ELOVL2: variants seen among roughly 807,000 people sequenced by gnomAD.
ELOVL2 encodes the protein very long chain fatty acid elongase 2.
ELOVL2 carries 38 observed loss-of-function variants against 37.7 expected under a neutral mutation model. The observed-to-expected ratio is 1.01, with a 90% CI of 0.78 to 1.32. ELOVL2 has a LOEUF of 1.32. Ranked by LOEUF, ELOVL2 falls within the 40% of genes most tolerant of loss-of-function variation. ELOVL2 has a pLI of 0.00. For synonymous variants in ELOVL2, 115 were observed against 122.3 expected, an observed-to-expected ratio of 0.94 and a Z score of 0.40; for missense variants, 352 against 363.6, an observed-to-expected ratio of 0.97 and a Z score of 0.26.
intron 1 of ELOVL2, among the ~76,000 whole-genome samples, chr6:11,024,370 T>C (rs1782810346): frequency 1.3e-5 from 2 of 152,262 alleles, no homozygotes; most frequent in African/African-American, 2.4e-5. Context: ...CTTTTTCTTA[T>C]TGATAAATCA....
At chr6:11,006,022 G>C (rs1345306434) in intron 2 of ELOVL2, among the ~76,000 whole-genome samples, 2 of 152,204 alleles carry the variant, frequency 1.3e-5, no homozygotes, top group Non-Finnish European at 2.9e-5. Flanking sequence ...CCTTGCAGCT[G>C]TCCTCCCATG....
chr6:11,023,097 T>C (rs1782789670), intron 1 of ELOVL2, among the ~76,000 whole-genome samples: 1 of 152,244 alleles, frequency 6.6e-6, no homozygotes, highest in Admixed American at 6.5e-5. Context: ...GTTCAAGATA[T>C]TTGTAATGAT....
chr6:11,016,388 G>A (rs1389238645), intron 1 of ELOVL2, among the ~76,000 whole-genome samples: 1 of 152,158 alleles, frequency 6.6e-6, no homozygotes, highest in Non-Finnish European at 1.5e-5. Context: ...AAACCATTAA[G>A]ATCACAAAAC....
At chr6:11,031,410 G>A (rs548785947) in intron 1 of ELOVL2, among the ~76,000 whole-genome samples, 1 of 152,226 alleles carries the variant, frequency 6.6e-6, no homozygotes, top group Non-Finnish European at 1.5e-5. Context: ...CCAAGTTCAT[G>A]AGTCTGACAT....
At chr6:10,994,644 C>T (rs540835891) in intron 5 of ELOVL2, among the ~76,000 whole-genome samples, 4 of 152,280 alleles carry the variant, frequency 2.6e-5, no homozygotes, top group South Asian at 2.1e-4. Flanking sequence ...TGCCTCGCCT[C>T]GATCTGTTTC....
chr6:11,035,113 T>G (rs1782986738), intron 1 of ELOVL2, among the ~76,000 whole-genome samples: 1 of 152,236 alleles, frequency 6.6e-6, no homozygotes, highest in Non-Finnish European at 1.5e-5. Flanking sequence ...CAGAGTATAG[T>G]GTTCCATAAA....
chr6:11,028,320 C>T (rs1184712911), intron 1 of ELOVL2, among the ~76,000 whole-genome samples: 1 of 152,124 alleles, frequency 6.6e-6, no homozygotes, highest in Non-Finnish European at 1.5e-5. Flanking sequence ...GAAGGTAAGC[C>T]ATTGCTTGAC....
In ELOVL2 at chr6:10,992,810, C is replaced by A. The variant is rs796864426; in HGVS notation, c.505+2197G>T. Among the ~76,000 whole-genome samples the A allele has an allele frequency of 2.7e-3, 355 of 132,652 alleles. 1 individual carries two copies. The highest frequency in any genetic ancestry group is 9.1e-3 in the African/African-American group (329 of 36,294). 87.0% of individuals were successfully genotyped at this position (132,652 alleles called of 152,430 possible). On this transcript the variant is annotated intron_variant, in intron 5 of 7. Transcript: ENST00000354666. The stretch of plus-strand genomic sequence containing the variant: ...TCAAAAAAAACAAAACAAAAAAAAA[C>A]AAAAAAAAACAGGATTAAAAAATAT...
chr6:11,010,823 GA>G lies in ELOVL2; in HGVS notation c.4-15del. The G allele has an allele frequency of 1.3e-6, 2 of 1,590,362 alleles. No individual in the cohort carries two copies. The highest frequency in any genetic ancestry group is 1.8e-5 in the Admixed American group (1 of 55,370). ...CTTTAGATGTTCCTAAAAAGAGAAA[GA>G]AAAAATGATTTAAGTGTTTTTTTCT... is the stretch of plus-strand genomic sequence containing the variant. On this transcript the variant is annotated splice_polypyrimidine_tract_variant and intron_variant, in intron 1 of 7. Coordinates refer to ENST00000354666, the MANE Select transcript of ELOVL2 (RefSeq NM_017770.4).
intron 3 of ELOVL2, among the ~76,000 whole-genome samples, chr6:11,004,241 A>AT (rs1782441816): frequency 6.6e-6 from 1 of 152,170 alleles, no homozygotes; most frequent in Admixed American, 6.5e-5. Flanking sequence ...AATGCATAGA[A>AT]TAAACTCTCA....
chr6:10,985,597 A>C (rs951023600), intron 7 of ELOVL2, among the ~76,000 whole-genome samples: 8 of 151,884 alleles, frequency 5.3e-5, no homozygotes, highest in Non-Finnish European at 1.2e-4. Flanking sequence ...CCATTTATTA[A>C]ATAGGGAATC....
At position 10,989,702 on chromosome 6, in the gene ELOVL2, C is replaced by G; in HGVS notation, c.765+1G>C. The stretch of plus-strand genomic sequence containing the variant: ...CTGCTGAATATTTACATTCCACGTA[C>G]CTGAACGTAAAAATTTAAGAAGAGG... On this transcript the variant is annotated splice_donor_variant, in intron 7 of 7. Transcript: ENST00000354666. LOFTEE classifies it high-confidence loss of function. The G allele has an allele frequency of 1.9e-6, 3 of 1,613,198 alleles. No homozygotes were observed. The highest frequency in any genetic ancestry group is 2.5e-6 in the Non-Finnish European group (3 of 1,179,512).
At chr6:11,022,868 A>C (rs1782785936) in intron 1 of ELOVL2, among the ~76,000 whole-genome samples, 1 of 152,158 alleles carries the variant, frequency 6.6e-6, no homozygotes, top group Non-Finnish European at 1.5e-5. Flanking sequence ...GTCATTTTTC[A>C]AGTTATGGCC....
intron 3 of ELOVL2, 50 bp downstream of exon 3, chr6:11,005,322 A>C (rs748463426): frequency 2.0e-6 from 3 of 1,533,860 alleles, no homozygotes; most frequent in Non-Finnish European, 2.7e-6. Flanking sequence ...GTTTCTGTTA[A>C]TAAAAACTGC....
At chr6:10,991,160 T>C (rs915182251) in intron 5 of ELOVL2, among the ~76,000 whole-genome samples, 1 of 152,256 alleles carries the variant, frequency 6.6e-6, no homozygotes, top group Non-Finnish European at 1.5e-5. Flanking sequence ...GAAAGGGTCA[T>C]GTACCATGCT....
At position 10,981,255 on chromosome 6, in the gene ELOVL2, T is replaced by A. The variant is rs1367763847; in HGVS notation, c.*2526A>T. On this transcript the variant is annotated 3_prime_UTR_variant, in exon 8 of 8. Transcript: ENST00000354666. ...TTTCATTCCCATGGGTCAGAGGAAATTTGAGAGAAAACATTCTCCATTTTT... is the reference window on the plus strand; with the variant it reads ...TTTCATTCCCATGGGTCAGAGGAAAATTGAGAGAAAACATTCTCCATTTTT... 1 of 152,506 alleles carries A rather than the reference T, an allele frequency of 6.6e-6. No individual in the cohort carries two copies. Among genetic ancestry groups the A allele is most frequent in the Non-Finnish European group, 1.5e-5 (1 of 68,026 alleles). 9.4% of individuals were successfully genotyped at this position (152,506 alleles called of 1,614,324 possible).
Position 11,000,138 on chromosome 6 carries a change from GCC to G in ELOVL2, c.280_281del (p.Gly94LeufsTer15), listed in dbSNP as rs1181783850. On this transcript the variant is annotated frameshift_variant, in exon 4 of 8. Coordinates refer to ENST00000354666, the MANE Select transcript of ELOVL2 (RefSeq NM_017770.4). LOFTEE classifies it high-confidence loss of function. ...AELILSTWEGGYNLQCQDLTS... is the reference protein window; with the variant it reads ...AELILSTWEGXYNLQCQDLTS... ...TAAGATCTTGACACTGTAAGTTGTA[GCC>G]TCCTTCCCAAGTGGAGAGAATGAGC... 4 of 1,614,172 alleles carry G rather than the reference GCC, an allele frequency of 2.5e-6. No individual in the cohort carries two copies. In the South Asian group the frequency reaches 4.4e-5, roughly 18 times the overall value.
intron 3 of ELOVL2, among the ~76,000 whole-genome samples, chr6:11,003,687 C>T (rs1345713069): frequency 6.6e-6 from 1 of 152,160 alleles, no homozygotes; most frequent in African/African-American, 2.4e-5. Flanking sequence ...TACTATCTTG[C>T]TAACTCATCT....
At chr6:11,018,790 T>G (rs926178892) in intron 1 of ELOVL2, among the ~76,000 whole-genome samples, 1 of 152,212 alleles carries the variant, frequency 6.6e-6, no homozygotes, top group Non-Finnish European at 1.5e-5. Context: ...TTGCTTACTT[T>G]CTAAAAATCA....
Sources: gnomAD v4.1 joint callset for allele counts (sites outside exome capture counted in the v4.1 genomes callset) on GRCh38, gnomAD v4.1.1 for gene constraint, MANE v1.5 for transcripts, NCBI Gene and HGNC (gene_info 2026-07-23, HGNC 2026-07-21) for gene names.